The following APBB2 variants were observed in gnomAD, a reference collection of about 807,000 sequenced individuals.
APBB2 encodes the protein amyloid beta precursor protein binding family B member 2, also known as Fe65-like 1.
APBB2 carries 38 observed loss-of-function variants against 82.5 expected under a neutral mutation model. That is an observed-to-expected ratio of 0.46 (90% CI 0.36 to 0.60). The LOEUF is 0.60. APBB2 is among the 20% of genes least tolerant of loss of function. The pLI is 0.00. For missense variants in APBB2, 772 were observed against 972.3 expected (o/e 0.79, Z 2.74); for synonymous variants, 341 against 368.2 (o/e 0.93, Z 0.85).
At chr4:40,873,893 G>A (rs1355435674) in intron 12 of APBB2, among the ~76,000 whole-genome samples, 1 of 152,134 alleles carries the variant, frequency 6.6e-6, no homozygotes, top group Non-Finnish European at 1.5e-5. Flanking sequence ...AGAAGTCAGA[G>A]AAAAAATCTG....
At chr4:41,004,424 C>T (rs879289120) in intron 6 of APBB2, among the ~76,000 whole-genome samples, 1 of 152,106 alleles carries the variant, frequency 6.6e-6, no homozygotes, top group African/African-American at 2.4e-5. Flanking sequence ...AGGCACTCTG[C>T]GTATGGTGAG....
At chr4:41,159,704 C>T (rs1240081592) in intron 1 of APBB2, among the ~76,000 whole-genome samples, 1 of 151,710 alleles carries the variant, frequency 6.6e-6, no homozygotes, top group East Asian at 1.9e-4. Context: ...CTCTAAGCTG[C>T]AGAAAAAGCA....
chr4:41,089,730 A>G (rs765630402), intron 3 of APBB2, among the ~76,000 whole-genome samples: 4 of 152,230 alleles, frequency 2.6e-5, no homozygotes, highest in Non-Finnish European at 5.9e-5. Flanking sequence ...TCCAGATTAC[A>G]TAATATCAGT....
At chr4:40,934,969 CTG>C (rs1396568519) in intron 8 of APBB2, 106 bp downstream of exon 8, 5 of 970,316 alleles carry the variant, frequency 5.2e-6, no homozygotes, top group Admixed American at 5.1e-5. Context: ...AGCCCGATCA[CTG>C]TGTCCCTGCA....
At chr4:40,883,833 C>T (rs1560788282) in intron 12 of APBB2, among the ~76,000 whole-genome samples, 2 of 152,138 alleles carry the variant, frequency 1.3e-5, no homozygotes, top group South Asian at 4.1e-4. Flanking sequence ...AAGAGCTGGG[C>T]TGTGCTGAGT....
intron 1 of APBB2, among the ~76,000 whole-genome samples, chr4:41,211,017 G>A (rs748519643): frequency 7.9e-5 from 12 of 152,288 alleles, no homozygotes; most frequent in Non-Finnish European, 1.5e-4. Context: ...CACTTTGGGA[G>A]ACCGAGACTG....
chr4:40,878,820 A>G (rs1578151955), intron 12 of APBB2, among the ~76,000 whole-genome samples: 1 of 151,254 alleles, frequency 6.6e-6, no homozygotes, highest in Non-Finnish European at 1.5e-5. Flanking sequence ...TTTTAAGTCA[A>G]CTCTCTGGCT....
intron 1 of APBB2, among the ~76,000 whole-genome samples, chr4:41,154,933 C>G (rs191362736): frequency 6.6e-6 from 1 of 152,166 alleles, no homozygotes; most frequent in Non-Finnish European, 1.5e-5. Context: ...GCTGGACAGA[C>G]GGGGCACCCT....
At chr4:40,933,201 C>T (rs1007518471) in intron 10 of APBB2, among the ~76,000 whole-genome samples, 10 of 152,182 alleles carry the variant, frequency 6.6e-5, no homozygotes, top group African/African-American at 2.2e-4. Context: ...ATGTTACAAT[C>T]CCTCAGGCAT....
chr4:40,881,097 T>C, intron 12 of APBB2: 2 of 985,384 alleles, frequency 2.0e-6, no homozygotes, highest in Non-Finnish European at 2.4e-6. Context: ...GAAGCCACTT[T>C]TAAAGAGATA....
chr4:41,049,003 C>G (rs13104770), intron 4 of APBB2, among the ~76,000 whole-genome samples: 6 of 151,910 alleles, frequency 3.9e-5, no homozygotes, highest in South Asian at 2.1e-4. Flanking sequence ...GGCGTGATCT[C>G]GGCTAGCTAC....
At chr4:41,094,722 G>A (rs889811581) in intron 3 of APBB2, among the ~76,000 whole-genome samples, 1 of 152,112 alleles carries the variant, frequency 6.6e-6, no homozygotes, top group South Asian at 2.1e-4. Flanking sequence ...ATGCCACCTC[G>A]CCCAGCTAAT....
chr4:40,906,136 T>C (rs1776636761), intron 10 of APBB2, among the ~76,000 whole-genome samples: 1 of 152,184 alleles, frequency 6.6e-6, no homozygotes, highest in African/African-American at 2.4e-5. Flanking sequence ...ATTCTAAGCA[T>C]AGATTCTAAG....
chr4:41,107,818 T>C (rs1747797523), intron 2 of APBB2, among the ~76,000 whole-genome samples: 1 of 152,174 alleles, frequency 6.6e-6, no homozygotes, highest in Non-Finnish European at 1.5e-5. Context: ...AAGACACCAA[T>C]GCCATGAACC....
intron 6 of APBB2, among the ~76,000 whole-genome samples, chr4:40,958,115 C>A (rs1792175226): frequency 6.6e-6 from 1 of 152,128 alleles, no homozygotes; most frequent in Non-Finnish European, 1.5e-5. Flanking sequence ...TCCATCCATC[C>A]ATAAACTTAT....
At chr4:41,158,914 T>A (rs181503869) in intron 1 of APBB2, among the ~76,000 whole-genome samples, 85 of 152,214 alleles carry the variant, frequency 5.6e-4, no homozygotes, top group Admixed American at 5.1e-3. Context: ...CCATCCCAGG[T>A]GTGTCTGCCT....
intron 12 of APBB2, chr4:40,880,215 TC>T (rs1281562027): frequency 1.0e-6 from 1 of 985,260 alleles, no homozygotes; most frequent in Admixed American, 6.2e-5. Context: ...ACTCCAGTGT[TC>T]CTTCTCTTGA....
At chr4:40,922,997 C>T (rs1389527407) in intron 10 of APBB2, among the ~76,000 whole-genome samples, 3 of 147,452 alleles carry the variant, frequency 2.0e-5, no homozygotes, top group African/African-American at 7.6e-5. Context: ...TTTTTTGAGA[C>T]GGAGTCCCGC....
intron 12 of APBB2, among the ~76,000 whole-genome samples, chr4:40,879,076 G>A (rs1427236532): frequency 2.6e-5 from 4 of 152,044 alleles, no homozygotes; most frequent in Non-Finnish European, 5.9e-5. Flanking sequence ...CCCAGTTGAA[G>A]TTATAACAAA....
Sources: allele counts gnomAD v4.1 joint callset (sites outside exome capture counted in the v4.1 genomes callset), GRCh38; gene constraint gnomAD v4.1.1; transcripts MANE v1.5; gene names NCBI Gene and HGNC (gene_info 2026-07-23, HGNC 2026-07-21).